PALLD: variants seen among roughly 807,000 people sequenced by gnomAD.
PALLD encodes the protein palladin.
In PALLD, 61 loss-of-function variants were observed where a neutral mutation model predicts 123.5. The ratio of observed to expected loss-of-function variants is 0.49; its 90% confidence interval spans 0.40 to 0.61. The LOEUF (loss-of-function observed/expected upper bound fraction) is 0.61, where lower values mean the gene tolerates loss of function less well. PALLD is among the 20% of genes least tolerant of loss of function. PALLD has a pLI of 0.00. For synonymous variants in PALLD, 465 were observed against 496.4 expected, an observed-to-expected ratio of 0.94 and a Z score of 0.84; for missense variants, 1,273 against 1,377.0, an observed-to-expected ratio of 0.92 and a Z score of 1.20.
chr4:168,883,664 CCA>C (rs1226778904), intron 10 of PALLD, among the ~76,000 whole-genome samples: 1 of 152,174 alleles, frequency 6.6e-6, no homozygotes, highest in Non-Finnish European at 1.5e-5. Context: ...ATTTTACCTT[CCA>C]GATGCTTGTG....
At position 168,782,019 on chromosome 4, in the gene PALLD, C is replaced by T. The variant is rs943767460; in HGVS notation, c.1964+70096C>T. Among the ~76,000 whole-genome samples, 5 of 152,114 alleles carry T rather than the reference C, an allele frequency of 3.3e-5. No homozygotes were observed. The South Asian group carries it at 1.0e-3, about 32-fold the overall frequency. ...CTGCCTTCCCCAACCAGATTCATGC[C>T]TGGTTTGCTTAGGGATTATCTGATG... On this transcript the variant is annotated intron_variant, in intron 10 of 21. Coordinates refer to ENST00000505667, the MANE Select transcript of PALLD (RefSeq NM_001166108.2).
At position 168,614,843 on chromosome 4, in the gene PALLD, A is replaced by G. The variant is rs539464181; in HGVS notation, c.909-53347A>G. Among the ~76,000 whole-genome samples the G allele has an allele frequency of 2.6e-5, 4 of 152,326 alleles. No individual in the cohort carries two copies. The South Asian group carries it at 8.3e-4, about 32-fold the overall frequency. On this transcript the variant is annotated intron_variant, in intron 2 of 21. Transcript: ENST00000505667. ...CCTCCCCAGTCCTGCACGGTAAACC[A>G]CATCAGTGTGGGATGGTAACATTTC... is the stretch of plus-strand genomic sequence containing the variant.
At chr4:168,551,992 G>A (rs1381171899) in intron 2 of PALLD, among the ~76,000 whole-genome samples, 1 of 152,176 alleles carries the variant, frequency 6.6e-6, no homozygotes, top group Admixed American at 6.5e-5. Flanking sequence ...CTTTGGTTTT[G>A]AGGTACTACT....
chr4:168,527,485 A>G (rs1450310009), intron 2 of PALLD, among the ~76,000 whole-genome samples: 1 of 150,486 alleles, frequency 6.6e-6, no homozygotes, highest in Non-Finnish European at 1.5e-5. Flanking sequence ...TTCGAGTAGG[A>G]TACAGAAGGA....
intron 3 of PALLD, among the ~76,000 whole-genome samples, chr4:168,674,034 C>T (rs2150046213): frequency 6.6e-6 from 1 of 152,134 alleles, no homozygotes; most frequent in African/African-American, 2.4e-5. Flanking sequence ...TTTGCCTCAG[C>T]CTCCCAAATA....
At chr4:168,768,180 T>C (rs1733933714) in intron 10 of PALLD, among the ~76,000 whole-genome samples, 1 of 152,194 alleles carries the variant, frequency 6.6e-6, no homozygotes, top group South Asian at 2.1e-4. Flanking sequence ...TTGATACTAC[T>C]CTTTTATAAC....
At chr4:168,537,920 A>G (rs1457277219) in intron 2 of PALLD, 2 of 152,254 alleles carry the variant, frequency 1.3e-5, no homozygotes, top group Non-Finnish European at 2.9e-5. Context: ...GCCTATGGCC[A>G]CATTCATGTT....
intron 10 of PALLD, among the ~76,000 whole-genome samples, chr4:168,767,063 A>G (rs1404478342): frequency 1.3e-5 from 2 of 152,058 alleles, no homozygotes; most frequent in African/African-American, 4.8e-5. Context: ...GACAGACTCA[A>G]CTCTTTAAAT....
intron 10 of PALLD, among the ~76,000 whole-genome samples, chr4:168,851,192 G>A (rs564279327): frequency 5.3e-5 from 8 of 152,224 alleles, no homozygotes; most frequent in Non-Finnish European, 8.8e-5. Context: ...CCCACAGTCT[G>A]GCTTACCTTT....
intron 2 of PALLD, among the ~76,000 whole-genome samples, chr4:168,591,176 G>A (rs1449548411): frequency 1.3e-5 from 2 of 152,110 alleles, no homozygotes; most frequent in African/African-American, 4.8e-5. Flanking sequence ...ACCACACCTG[G>A]CTGAAAGTAT....
intron 2 of PALLD, among the ~76,000 whole-genome samples, chr4:168,532,536 C>A (rs1301544307): frequency 7.3e-6 from 1 of 137,122 alleles, no homozygotes; most frequent in African/African-American, 2.9e-5. Flanking sequence ...ACAAAATACA[C>A]CATCAATAAA....
intron 2 of PALLD, among the ~76,000 whole-genome samples, chr4:168,620,461 CA>C (rs1185304968): frequency 2.0e-5 from 3 of 151,622 alleles, no homozygotes; most frequent in Admixed American, 6.6e-5. Context: ...TCTAAAAAAA[CA>C]AAAAAAATTA....
intron 10 of PALLD, among the ~76,000 whole-genome samples, chr4:168,858,811 C>T (rs1749005820): frequency 6.6e-6 from 1 of 151,722 alleles, no homozygotes; most frequent in South Asian, 2.1e-4. Flanking sequence ...AAAAAAAATC[C>T]AGAGTGGGCT....
intron 10 of PALLD, among the ~76,000 whole-genome samples, chr4:168,850,287 C>T (rs1307245902): frequency 6.6e-6 from 1 of 152,052 alleles, no homozygotes; most frequent in Non-Finnish European, 1.5e-5. Flanking sequence ...CCTTCAGCCC[C>T]TACTCCCCAC....
chr4:168,916,042 T>C lies in PALLD; in HGVS notation c.2850+15T>C, dbSNP rs977479187. 9 of 1,611,322 alleles carry C rather than the reference T, an allele frequency of 5.6e-6. No homozygotes were observed. The highest frequency in any genetic ancestry group is 4.0e-5 in the African/African-American group (3 of 74,922). ...TGGACTGCAAAGTAAGATTTTGTTA[T>C]TGCTTGCATATCCTATTGCCCCACT... is the stretch of plus-strand genomic sequence containing the variant. On this transcript the variant is annotated intron_variant, in intron 17 of 21. Transcript: ENST00000505667.
chr4:168,546,851 C>G (rs1432139669), intron 2 of PALLD, among the ~76,000 whole-genome samples: 1 of 152,120 alleles, frequency 6.6e-6, no homozygotes, highest in Non-Finnish European at 1.5e-5. Context: ...ATAAAGCAGC[C>G]TAGGTTTACA....
At chr4:168,600,134 CAT>C (rs1772484050) in intron 2 of PALLD, among the ~76,000 whole-genome samples, 1 of 151,770 alleles carries the variant, frequency 6.6e-6, no homozygotes, top group South Asian at 2.1e-4. Context: ...TGTATACACA[CAT>C]ATATACATAT....
At chr4:168,673,327 G>T (rs890067847) in intron 3 of PALLD, among the ~76,000 whole-genome samples, 1 of 152,242 alleles carries the variant, frequency 6.6e-6, no homozygotes, top group Admixed American at 6.5e-5. Flanking sequence ...ATGACATTTG[G>T]TCTCCGATAG....
chr4:168,673,888 C>CTGTGTGTGTG (rs34043206), intron 3 of PALLD, among the ~76,000 whole-genome samples: 3 of 146,288 alleles, frequency 2.1e-5, no homozygotes, highest in Non-Finnish European at 4.6e-5. Flanking sequence ...TTTGAACGTG[C>CTGTGTGTGTG]TGTGTGTGTG....
Sources: allele counts gnomAD v4.1 joint callset (sites outside exome capture counted in the v4.1 genomes callset), GRCh38; gene constraint gnomAD v4.1.1; transcripts MANE v1.5; gene names NCBI Gene and HGNC (gene_info 2026-07-23, HGNC 2026-07-21).